Variants in LIN7A observed in about 807,000 individuals in gnomAD.
The protein encoded by LIN7A is protein lin-7 homolog A.
LIN7A carries 25 observed loss-of-function variants against 29.8 expected under a neutral mutation model. The ratio of observed to expected loss-of-function variants is 0.84; its 90% CI spans 0.61 to 1.17. LIN7A has a LOEUF of 1.17. LIN7A is among the 50% of genes most tolerant of loss of function. The probability of loss-of-function intolerance (pLI) is 0.00; values close to 1 mark genes in which losing one functional copy is unlikely to be tolerated. For synonymous variants in LIN7A, 118 were observed against 107.5 expected (o/e 1.10, Z -0.60); for missense variants, 239 against 287.0 (o/e 0.83, Z 1.21).
At chr12:80,799,856 A>G (rs1265759828) in intron 5 of LIN7A, among the ~76,000 whole-genome samples, 1 of 152,174 alleles carries the variant, frequency 6.6e-6, no homozygotes, top group Non-Finnish European at 1.5e-5. Flanking sequence ...ATTTAAAATG[A>G]TCAATAAAAA....
intron 1 of LIN7A, among the ~76,000 whole-genome samples, chr12:80,912,096 A>G (rs1435662394): frequency 6.6e-6 from 1 of 152,210 alleles, no homozygotes; most frequent in Non-Finnish European, 1.5e-5. Flanking sequence ...TTACTAATGC[A>G]TATACACAAT....
At chr12:80,877,215 C>T (rs1874756111) in intron 2 of LIN7A, among the ~76,000 whole-genome samples, 1 of 151,392 alleles carries the variant, frequency 6.6e-6, no homozygotes, top group Admixed American at 6.6e-5. Flanking sequence ...GGTCATCTAA[C>T]CAGAGACACA....
chr12:80,813,301 G>A (rs374867356), intron 4 of LIN7A, among the ~76,000 whole-genome samples: 5 of 152,172 alleles, frequency 3.3e-5, no homozygotes, highest in Non-Finnish European at 5.9e-5. Context: ...GTAAGCCACC[G>A]TGCCTGGTCA....
At chr12:80,835,379 G>A (rs1218929821) in intron 4 of LIN7A, among the ~76,000 whole-genome samples, 2 of 152,070 alleles carry the variant, frequency 1.3e-5, no homozygotes, top group South Asian at 2.1e-4. Flanking sequence ...TGTTACATCA[G>A]TCCTGCAGAT....
rs528767809 is a variant in LIN7A at position 80,798,373 on chromosome 12, T to G, written c.*1-647A>C. Among the ~76,000 whole-genome samples, 11 of 152,326 alleles carry G rather than the reference T, an allele frequency of 7.2e-5. No individual in the cohort carries two copies. The East Asian group carries it at 1.9e-3, about 27-fold the overall frequency. ...CTGCAGATATTTTTATTTCAATGAA[T>G]GCCAAGCACCATATTGAAAACAGAT... is the stretch of plus-strand genomic sequence containing the variant. On this transcript the variant is annotated intron_variant, in intron 5 of 5. Transcript: ENST00000552864.
At chr12:80,814,228 G>T (rs1246087129) in intron 4 of LIN7A, among the ~76,000 whole-genome samples, 1 of 152,060 alleles carries the variant, frequency 6.6e-6, no homozygotes, top group Non-Finnish European at 1.5e-5. Flanking sequence ...AAACATGAAA[G>T]GAAGGTAAAC....
At chr12:80,903,900 A>G (rs1008414846) in intron 1 of LIN7A, among the ~76,000 whole-genome samples, 3 of 152,190 alleles carry the variant, frequency 2.0e-5, no homozygotes, top group East Asian at 3.9e-4. Context: ...GATGTATGAT[A>G]TATCTTGCTG....
chr12:80,842,131 A>T, intron 4 of LIN7A: 1 of 1,286,142 alleles, frequency 7.8e-7, no homozygotes, highest in Non-Finnish European at 1.0e-6. Context: ...CTTAGAAGCT[A>T]GGAGGAAAAA....
chr12:80,856,327 T>G (rs1010109495), intron 2 of LIN7A, among the ~76,000 whole-genome samples: 1 of 152,096 alleles, frequency 6.6e-6, no homozygotes, highest in Non-Finnish European at 1.5e-5. Context: ...AAGGACAACA[T>G]CTTTGTTAGG....
intron 2 of LIN7A, among the ~76,000 whole-genome samples, chr12:80,866,915 C>A (rs1874170361): frequency 6.6e-6 from 1 of 152,134 alleles, no homozygotes; most frequent in East Asian, 1.9e-4. Flanking sequence ...GCAGACAAGA[C>A]AACACCCAGT....
At chr12:80,923,973 A>C (rs1046613394) in intron 1 of LIN7A, among the ~76,000 whole-genome samples, 2 of 152,240 alleles carry the variant, frequency 1.3e-5, no homozygotes, top group Non-Finnish European at 2.9e-5. Context: ...GTGAAGATTA[A>C]TTAAAATGAA....
At chr12:80,861,920 T>G (rs2120414663) in intron 2 of LIN7A, among the ~76,000 whole-genome samples, 1 of 152,362 alleles carries the variant, frequency 6.6e-6, no homozygotes, top group Admixed American at 6.5e-5. Context: ...AACCTGATTT[T>G]TCACTTAAAA....
At chr12:80,909,367 A>G (rs1876639965) in intron 1 of LIN7A, among the ~76,000 whole-genome samples, 1 of 152,204 alleles carries the variant, frequency 6.6e-6, no homozygotes, top group South Asian at 2.1e-4. Context: ...TAATTACTGT[A>G]TCTTAATAGT....
At chr12:80,840,761 A>G (rs1872771074) in intron 4 of LIN7A, among the ~76,000 whole-genome samples, 1 of 152,194 alleles carries the variant, frequency 6.6e-6, no homozygotes, top group African/African-American at 2.4e-5. Context: ...TACTCTCAGC[A>G]GAATCCCATT....
chr12:80,850,200 C>G (rs1240590800), intron 2 of LIN7A, among the ~76,000 whole-genome samples: 1 of 152,116 alleles, frequency 6.6e-6, no homozygotes, highest in Non-Finnish European at 1.5e-5. Flanking sequence ...CTGAAGATGG[C>G]TTGGAAGCAA....
rs534306128 is a variant in LIN7A, at chr12:80,897,825, T to C, written c.83-8456A>G. Among the ~76,000 whole-genome samples the C allele has an allele frequency of 1.8e-4, 27 of 152,186 alleles. No homozygotes were observed. The South Asian group carries it at 5.4e-3, about 30-fold the overall frequency. Reference sequence around the variant, plus strand: ...CTCAAAAAAAATAAAAAAAATTGTTTCTTGAATATAATTGATTGCATTAAG... The same window carrying C: ...CTCAAAAAAAATAAAAAAAATTGTTCCTTGAATATAATTGATTGCATTAAG... On this transcript the variant is annotated intron_variant, in intron 1 of 5. Coordinates refer to ENST00000552864, the MANE Select transcript of LIN7A (RefSeq NM_004664.4).
intron 2 of LIN7A, among the ~76,000 whole-genome samples, chr12:80,862,355 T>G (rs1873923930): frequency 6.6e-6 from 1 of 152,250 alleles, no homozygotes; most frequent in Non-Finnish European, 1.5e-5. Flanking sequence ...TGATTCTTTT[T>G]ATTTGCAGGA....
intron 4 of LIN7A, among the ~76,000 whole-genome samples, chr12:80,828,277 A>G (rs1193193499): frequency 6.6e-6 from 1 of 152,210 alleles, no homozygotes; most frequent in Admixed American, 6.5e-5. Flanking sequence ...TTTTCATTCA[A>G]GCAGTACTCA....
At chr12:80,922,495 G>T (rs1025557308) in intron 1 of LIN7A, among the ~76,000 whole-genome samples, 5 of 152,186 alleles carry the variant, frequency 3.3e-5, no homozygotes, top group African/African-American at 1.2e-4. Flanking sequence ...AGTTTTGTCT[G>T]TGTATTACAG....
Sources: allele counts gnomAD v4.1 joint callset (sites outside exome capture counted in the v4.1 genomes callset), GRCh38; gene constraint gnomAD v4.1.1; transcripts MANE v1.5; gene names NCBI Gene and HGNC (gene_info 2026-07-23, HGNC 2026-07-21).